The following DNAJB6 variants were observed in gnomAD, a reference collection of about 807,000 sequenced individuals.
The protein encoded by DNAJB6 is DnaJ heat shock protein family (Hsp40) member B6, also known as dnaJ homolog subfamily B member 6.
Under a neutral mutation model 42.7 loss-of-function variants are expected in DNAJB6, and 16 were observed. The observed-to-expected ratio is 0.37, with a 90% CI of 0.25 to 0.57. The LOEUF is 0.57. Ranked by LOEUF, DNAJB6 falls within the 20% of genes least tolerant of loss-of-function variation. The pLI, the probability that DNAJB6 is intolerant of heterozygous loss-of-function variation, is 0.74. For synonymous variants in DNAJB6, 170 were observed against 163.5 expected (o/e 1.04, Z -0.30); for missense variants, 347 against 416.8 (o/e 0.83, Z 1.46).
chr7:157,416,215 C>G lies in DNAJB6; in HGVS notation c.*117C>G. The G allele has an allele frequency of 6.8e-7, 1 of 1,470,130 alleles. No homozygotes were observed. The allele number at this position is 1,470,130 out of a possible 1,614,324, so 91.1% of individuals were successfully genotyped here. On this transcript the variant is annotated 3_prime_UTR_variant, in exon 10 of 10. Coordinates refer to ENST00000262177, the MANE Select transcript of DNAJB6 (RefSeq NM_058246.4). ...GTCAGGACTGTCTCGAGGCCACACT[C>G]GCTCGGCAGGATTATGCGATCACGG...
In DNAJB6 at chr7:157,382,299, A is replaced by C. The variant is rs899358771; in HGVS notation, c.400A>C (p.Ser134Arg). Residue 134 changes from serine to arginine, a missense_variant, in exon 6 of 10, where the codon AGC (serine) becomes CGC (arginine). Around this residue, in one of 3 missense-constraint regions of DNAJB6, gnomAD observed 264 missense variants for 288.0 expected, o/e 0.92. Transcript: ENST00000262177. ...TCGAAGGGGTCCCCGAGGAAGCAGA[A>C]GCCGAGGGACGGGGTCGTTTTTCTC... The part of the protein sequence containing the change: ...GNRRGPRGSR[S>R]RGTGSFFSAF... The C allele has an allele frequency of 4.3e-6, 7 of 1,612,086 alleles. No individual in the cohort carries two copies. In the South Asian group the frequency reaches 7.7e-5, roughly 18 times the overall value.
Position 157,385,522 on chromosome 7 carries a change from A to G in DNAJB6, c.621-19A>G, listed in dbSNP as rs768336672. On this transcript the variant is annotated intron_variant, in intron 7 of 9. Transcript: ENST00000262177. ...TTTTCTTTACCAGAAAGGTTTTTAA[A>G]TGAATTTTTTTCCTACAGAATTGTC... The G allele has an allele frequency of 3.1e-6, 5 of 1,609,534 alleles. No individual in the cohort carries two copies. The South Asian group carries it at 5.6e-5, about 18-fold the overall frequency.
At chr7:157,342,856 C>G (rs779826625) in intron 1 of DNAJB6, among the ~76,000 whole-genome samples, 17 of 151,998 alleles carry the variant, frequency 1.1e-4, no homozygotes, top group Non-Finnish European at 2.1e-4. Context: ...GGGGAAATAA[C>G]TTCTGTGTTT....
intron 2 of DNAJB6, among the ~76,000 whole-genome samples, chr7:157,362,544 T>C (rs868250984): frequency 3.4e-4 from 51 of 152,180 alleles, no homozygotes; most frequent in African/African-American, 1.2e-3. Flanking sequence ...CCGGCTAATT[T>C]TGTATTTTTA....
At chr7:157,345,880 T>A (rs1413461934) in intron 1 of DNAJB6, among the ~76,000 whole-genome samples, 1 of 152,030 alleles carries the variant, frequency 6.6e-6, no homozygotes, top group African/African-American at 2.4e-5. Flanking sequence ...TTCTTTTGAT[T>A]TAGTATATTA....
chr7:157,409,996 C>T lies in DNAJB6; in HGVS notation c.893C>T (p.Ala298Val). The T allele has an allele frequency of 6.5e-7, 1 of 1,529,154 alleles. No homozygotes were observed. The highest frequency in any genetic ancestry group is 8.8e-7 in the Non-Finnish European group (1 of 1,140,882). 94.7% of individuals were successfully genotyped at this position (1,529,154 alleles called of 1,614,324 possible). The change falls in exon 9 of 10, where the codon GCA becomes GTA. Residue 298 changes from alanine to valine, a missense_variant. Around this residue, in one of 3 missense-constraint regions of DNAJB6, gnomAD observed 264 missense variants for 288.0 expected, o/e 0.92. Transcript: ENST00000262177. ...GGGCCCTGGGACCCCCTCGCGTCCG[C>T]AGCAGGTGTGCAAAGGGAGGCAGCC... Reference protein sequence around the residue: ...APGPWDPLASAAGLKEGGKRK... With the variant: ...APGPWDPLASVAGLKEGGKRK...
chr7:157,356,467 G>A (rs1034701647), intron 1 of DNAJB6, among the ~76,000 whole-genome samples: 2 of 152,146 alleles, frequency 1.3e-5, no homozygotes, highest in Admixed American at 1.3e-4. Flanking sequence ...GAGACTGGTC[G>A]GACCTGTGTG....
intron 1 of DNAJB6, among the ~76,000 whole-genome samples, chr7:157,350,436 G>A (rs1475073588): frequency 6.6e-6 from 1 of 152,128 alleles, no homozygotes; most frequent in Non-Finnish European, 1.5e-5. Context: ...AAATTCCTTG[G>A]AGACCCCCGC....
At chr7:157,358,735 T>C in intron 2 of DNAJB6, 98 bp downstream of exon 2, 1 of 950,718 alleles carries the variant, frequency 1.1e-6, no homozygotes, top group Non-Finnish European at 1.7e-6. Context: ...TGGCTTTTAA[T>C]GTAGTATACC....
intron 3 of DNAJB6, among the ~76,000 whole-genome samples, chr7:157,366,154 T>C (rs988965749): frequency 4.6e-5 from 7 of 152,108 alleles, no homozygotes; most frequent in African/African-American, 1.2e-4. Context: ...TTTCACCATA[T>C]TGGCCAGGCT....
rs569684476 is a variant in DNAJB6, at chr7:157,355,966, G to A, written c.-26-2581G>A. Among the ~76,000 whole-genome samples, 29 of 152,340 alleles carry A rather than the reference G, an allele frequency of 1.9e-4. No homozygotes were observed. The South Asian group carries it at 5.4e-3, about 28-fold the overall frequency. ...CACCTCTGTGCTCACTGCCTCGGGAGGTGTCTTCCTCCCATTCCCACCACC... is the reference window on the plus strand; with the variant it reads ...CACCTCTGTGCTCACTGCCTCGGGAAGTGTCTTCCTCCCATTCCCACCACC... On this transcript the variant is annotated intron_variant, in intron 1 of 9. Transcript: ENST00000262177.
At chr7:157,342,299 C>T (rs1243390641) in intron 1 of DNAJB6, among the ~76,000 whole-genome samples, 1 of 147,010 alleles carries the variant, frequency 6.8e-6, no homozygotes, top group Non-Finnish European at 1.5e-5. Flanking sequence ...TCCGGAGTAG[C>T]TGGGATTACA....
chr7:157,371,712 G>A (rs936038340), intron 5 of DNAJB6, among the ~76,000 whole-genome samples: 5 of 152,194 alleles, frequency 3.3e-5, no homozygotes, highest in African/African-American at 9.7e-5. Flanking sequence ...AATAGGCAGT[G>A]GACTTATTTG....
intron 8 of DNAJB6, among the ~76,000 whole-genome samples, chr7:157,406,439 G>C (rs868345298): frequency 6.6e-6 from 1 of 152,234 alleles, no homozygotes; most frequent in African/African-American, 2.4e-5. Flanking sequence ...GGGCCAGAAG[G>C]GTTTTTCTAG....
chr7:157,403,979 G>GT (rs201600203), intron 8 of DNAJB6, among the ~76,000 whole-genome samples: 2,655 of 151,246 alleles, frequency 0.018, 60 homozygotes, highest in East Asian at 0.065. Flanking sequence ...ACTGTGCAGG[G>GT]TTTTTTTTTA....
chr7:157,338,160 G>A (rs1487858694), intron 1 of DNAJB6, among the ~76,000 whole-genome samples: 1 of 152,192 alleles, frequency 6.6e-6, no homozygotes, highest in Non-Finnish European at 1.5e-5. Flanking sequence ...CCGAAGAAAG[G>A]AAACAGACGT....
intron 3 of DNAJB6, among the ~76,000 whole-genome samples, chr7:157,363,775 G>T (rs1408417983): frequency 6.6e-6 from 1 of 152,172 alleles, no homozygotes; most frequent in African/African-American, 2.4e-5. Context: ...CCTAGGTCTG[G>T]AGCAGAGGTG....
intron 3 of DNAJB6, 52 bp from the exon 4 acceptor site, chr7:157,366,450 A>G: frequency 6.6e-7 from 1 of 1,508,456 alleles, no homozygotes; most frequent in South Asian, 1.1e-5. Flanking sequence ...TATCTATTGA[A>G]TTAAGGGTTT....
At chr7:157,382,405 T>G (rs749653447) in intron 6 of DNAJB6, 28 bp downstream of exon 6, 1 of 1,592,138 alleles carries the variant, frequency 6.3e-7, no homozygotes, top group Non-Finnish European at 8.5e-7. Context: ...TTAATCTCTG[T>G]TATCTTAACA....
Sources: gnomAD v4.1 joint callset for allele counts (sites outside exome capture counted in the v4.1 genomes callset) on GRCh38, gnomAD v4.1.1 for gene constraint, gnomAD v4.1.1 regional missense constraint, MANE v1.5 for transcripts, NCBI Gene and HGNC (gene_info 2026-07-23, HGNC 2026-07-21) for gene names.